Variants in WDR27 observed in about 807,000 individuals in gnomAD.
WDR27 encodes the protein WD repeat domain 27.
Under a neutral mutation model 114.4 loss-of-function variants are expected in WDR27, and 100 were observed. The ratio of observed to expected loss-of-function variants is 0.87; its 90% CI spans 0.74 to 1.03. The LOEUF is 1.03. Among genes scored for constraint, WDR27 ranks in the 50% least tolerant of loss-of-function variants. WDR27 has a pLI of 0.00. For synonymous variants in WDR27, 449 were observed against 423.1 expected, an observed-to-expected ratio of 1.06 and a Z score of -0.75; for missense variants, 1,129 against 1,092.9, an observed-to-expected ratio of 1.03 and a Z score of -0.47.
the WDR27 span, among the ~76,000 whole-genome samples, chr6:169,448,392 ATGTGTGTGTGTG>A: frequency 4.5e-5 from 6 of 131,968 alleles, no homozygotes; most frequent in African/African-American, 3.2e-5. Flanking sequence ...CTCTGTCTCT[ATGTGTGTGTGTG>A]TGTGTGTGTG....
At position 169,494,282 on chromosome 6, in the gene WDR27, G is replaced by A. The variant is rs78215215; in HGVS notation, c.2646-36648C>T. 6.6e-5 allele frequency among the ~76,000 whole-genome samples: 10 copies of A among 152,220 alleles called. No homozygotes were observed. In the East Asian group the frequency reaches 1.5e-3, roughly 24 times the overall value. On this transcript the variant is annotated intron_variant, in intron 25 of 25. Transcript: ENST00000448612. ...AAGGCCTGAATAGAACAAAAAGGCCGACTCTCCCTTAGGTAAAAGGAACCT... is the reference window on the plus strand; with the variant it reads ...AAGGCCTGAATAGAACAAAAAGGCCAACTCTCCCTTAGGTAAAAGGAACCT...
At chr6:169,686,161 C>T (rs979628065) in intron 2 of WDR27, among the ~76,000 whole-genome samples, 57 of 152,260 alleles carry the variant, frequency 3.7e-4, no homozygotes, top group African/African-American at 7.5e-4. Flanking sequence ...GAATTCATCA[C>T]CACTAGACTG....
At chr6:169,654,719 A>AAGGAGGCGCACACAGG (rs1823565725) in intron 13 of WDR27, among the ~76,000 whole-genome samples, 1 of 123,458 alleles carries the variant, frequency 8.1e-6, no homozygotes, top group African/African-American at 3.2e-5. Flanking sequence ...CGCACAGGAG[A>AAGGAGGCGCACACAGG]AGGAGGCGCG....
At chr6:169,629,979 C>A (rs928791695) in intron 21 of WDR27, among the ~76,000 whole-genome samples, 2 of 149,150 alleles carry the variant, frequency 1.3e-5, no homozygotes, top group Admixed American at 1.3e-4. Flanking sequence ...AGAAACTTCA[C>A]GTATAAGATT....
chr6:169,434,954 C>G, the WDR27 span, among the ~76,000 whole-genome samples: 8 of 152,174 alleles, frequency 5.3e-5, no homozygotes, highest in Non-Finnish European at 1.2e-4. Context: ...TATCACAAGC[C>G]CAGAGGTCTA....
chr6:169,449,735 G>C, the WDR27 span, among the ~76,000 whole-genome samples: 19 of 152,358 alleles, frequency 1.2e-4, no homozygotes, highest in African/African-American at 4.3e-4. Flanking sequence ...GTCCTGGGGA[G>C]CATGTGGTGG....
the WDR27 span, among the ~76,000 whole-genome samples, chr6:169,438,236 CTTTT>C: frequency 3.0e-3 from 316 of 105,422 alleles, no homozygotes; most frequent in African/African-American, 8.0e-3. Context: ...TTTACTTTTT[CTTTT>C]TTTTTTTTTT....
At chr6:169,517,805 T>C (rs1793862687) in intron 25 of WDR27, among the ~76,000 whole-genome samples, 1 of 152,240 alleles carries the variant, frequency 6.6e-6, no homozygotes, top group South Asian at 2.1e-4. Context: ...CCATGGTTTC[T>C]AATGAGAAAT....
At chr6:169,451,183 C>T in the WDR27 span, among the ~76,000 whole-genome samples, 2,804 of 152,246 alleles carry the variant, frequency 0.018, 85 homozygotes, top group African/African-American at 0.063. Flanking sequence ...CTAAGGCATA[C>T]GTAACTATTC....
downstream of WDR27, among the ~76,000 whole-genome samples, chr6:169,453,510 C>T (rs892903212): frequency 3.3e-5 from 5 of 152,172 alleles, no homozygotes; most frequent in Non-Finnish European, 4.4e-5. Context: ...GGGAGTCCCA[C>T]GCTTTCTCTC....
intron 17 of WDR27, among the ~76,000 whole-genome samples, chr6:169,642,465 A>G (rs1819461916): frequency 6.6e-6 from 1 of 152,218 alleles, no homozygotes. Flanking sequence ...CAGCCACGAA[A>G]GAGGCCGGCT....
intron 23 of WDR27, among the ~76,000 whole-genome samples, chr6:169,592,252 G>T (rs1185934215): frequency 6.6e-6 from 1 of 151,026 alleles, no homozygotes; most frequent in Admixed American, 6.8e-5. Context: ...TTTTGTTGTT[G>T]TTGTTGTTGG....
intron 21 of WDR27, among the ~76,000 whole-genome samples, chr6:169,627,587 G>A (rs1815187338): frequency 6.6e-6 from 1 of 152,202 alleles, no homozygotes; most frequent in Admixed American, 6.5e-5. Context: ...GGCTCCCGAG[G>A]CGAGCCAGGC....
intron 25 of WDR27, among the ~76,000 whole-genome samples, chr6:169,483,696 AACACACACACACAGACAC>A (rs1453217780): frequency 6.6e-6 from 1 of 151,096 alleles, no homozygotes; most frequent in Admixed American, 6.6e-5. Flanking sequence ...GGCAAACACA[AACACACACACACAGACAC>A]ACACACACAC....
intron 25 of WDR27, among the ~76,000 whole-genome samples, 156 bp downstream of exon 25, chr6:169,572,263 G>A (rs951017750): frequency 6.6e-6 from 1 of 152,036 alleles, no homozygotes; most frequent in Non-Finnish European, 1.5e-5. Flanking sequence ...ATTCTGGGCC[G>A]GGCGTGGTGG....
chr6:169,574,438 T>TAAAACAAAAC (rs71010603), intron 24 of WDR27, among the ~76,000 whole-genome samples: 3 of 151,310 alleles, frequency 2.0e-5, no homozygotes, highest in African/African-American at 4.9e-5. Flanking sequence ...TAAAATGTAT[T>TAAAACAAAAC]AAAACAAAAC....
chr6:169,658,471 G>C, intron 12 of WDR27, 113 bp from the exon 13 acceptor site: 2 of 746,626 alleles, frequency 2.7e-6, no homozygotes, highest in Non-Finnish European at 4.6e-6. Context: ...CTGCAGCTGT[G>C]GACATAACAG....
chr6:169,483,436 T>A (rs1788464378), intron 25 of WDR27, among the ~76,000 whole-genome samples: 1 of 152,026 alleles, frequency 6.6e-6, no homozygotes, highest in Admixed American at 6.6e-5. Context: ...ATAAATTAAA[T>A]CCCTGGGCAC....
chr6:169,548,822 G>A (rs528679339), intron 25 of WDR27, among the ~76,000 whole-genome samples: 2 of 152,166 alleles, frequency 1.3e-5, no homozygotes, highest in Non-Finnish European at 2.9e-5. Flanking sequence ...AACAAATGGT[G>A]CTATAGAACA....
Sources: allele counts gnomAD v4.1 joint callset (sites outside exome capture counted in the v4.1 genomes callset), GRCh38; gene constraint gnomAD v4.1.1; transcripts MANE v1.5; gene names NCBI Gene and HGNC (gene_info 2026-07-23, HGNC 2026-07-21).